The following RBFOX1 variants were observed in gnomAD, a reference collection of about 807,000 sequenced individuals.
RBFOX1 encodes the protein RNA binding protein fox-1 homolog 1.
RBFOX1 carries 8 observed loss-of-function variants against 57.7 expected under a neutral mutation model. The observed-to-expected ratio is 0.14, with a 90% CI of 0.08 to 0.25. The LOEUF is 0.25. Among genes scored for constraint, RBFOX1 ranks in the 10% least tolerant of loss-of-function variants. RBFOX1 has a pLI of 1.00. For synonymous variants in RBFOX1, 326 were observed against 222.4 expected (o/e 1.47, Z -4.15); for missense variants, 611 against 548.5 (o/e 1.11, Z -1.14).
intron 4 of RBFOX1, among the ~76,000 whole-genome samples, chr16:5,977,148 G>T (rs147810103): frequency 1.3e-5 from 2 of 152,086 alleles, no homozygotes; most frequent in Non-Finnish European, 2.9e-5. Flanking sequence ...CACTGGACTG[G>T]ACCACCCATC....
At chr16:6,794,532 A>G (rs2083578885) in intron 3 of RBFOX1, among the ~76,000 whole-genome samples, 1 of 152,038 alleles carries the variant, frequency 6.6e-6, no homozygotes, top group African/African-American at 2.4e-5. Context: ...TAAGTTCCTA[A>G]TTATTTTAAG....
intron 3 of RBFOX1, among the ~76,000 whole-genome samples, chr16:6,702,626 T>A (rs998657755): frequency 6.6e-6 from 1 of 152,172 alleles, no homozygotes; most frequent in Non-Finnish European, 1.5e-5. Flanking sequence ...GAAGACTAAA[T>A]GAGGTCATAC....
Position 6,253,699 on chromosome 16 carries a change from G to GTGTATATA in RBFOX1, c.-126-63295_-126-63294insGTATATAT, listed in dbSNP as rs71145205. ...CATGTGTGTGTGTGTGTGTGTGTGT[G>GTGTATATA]TATATATATATATATGTACCTATAC... On this transcript the variant is annotated intron_variant, in intron 1 of 15. Transcript: ENST00000550418. Among the ~76,000 whole-genome samples, 818 of 142,412 alleles carry GTGTATATA rather than the reference G, an allele frequency of 5.7e-3. 5 individuals are homozygous for GTGTATATA. The highest frequency in any genetic ancestry group is 0.014 in the Middle Eastern group (4 of 278). 93.4% of individuals were successfully genotyped at this position (142,412 alleles called of 152,430 possible).
At chr16:6,869,114 T>C (rs929880445) in intron 3 of RBFOX1, among the ~76,000 whole-genome samples, 1 of 152,220 alleles carries the variant, frequency 6.6e-6, no homozygotes. Flanking sequence ...ACAGCAGCAT[T>C]GTGTTGCCCA....
In RBFOX1 at chr16:7,145,583, C is replaced by T. The variant is rs568735473; in HGVS notation, c.27+93485C>T. On this transcript the variant is annotated intron_variant, in intron 4 of 15. Transcript: ENST00000550418. ...AGAACCTCATATGATGATCTATATG[C>T]ACTTACTGTGTTTTACCCCTCTCGG... 1.2e-4 allele frequency among the ~76,000 whole-genome samples: 18 copies of T among 152,184 alleles called. 1 individual carries two copies. The Middle Eastern group carries it at 0.01, about 86-fold the overall frequency.
chr16:5,497,219 A>G (rs2043028522), intron 2 of RBFOX1, among the ~76,000 whole-genome samples: 1 of 151,816 alleles, frequency 6.6e-6, no homozygotes, highest in African/African-American at 2.4e-5. Flanking sequence ...CTTGAAATTT[A>G]CTTTGCTATT....
At chr16:6,401,296 G>A (rs2093057834) in intron 2 of RBFOX1, among the ~76,000 whole-genome samples, 1 of 152,166 alleles carries the variant, frequency 6.6e-6, no homozygotes, top group African/African-American at 2.4e-5. Context: ...AGAGATTGGA[G>A]CTCACTGAAT....
At chr16:7,583,045 A>T (rs1413414937) in intron 6 of RBFOX1, among the ~76,000 whole-genome samples, 1 of 151,990 alleles carries the variant, frequency 6.6e-6, no homozygotes, top group Admixed American at 6.5e-5. Flanking sequence ...CATCATGAAG[A>T]TTGGAATCCT....
At chr16:6,748,669 C>G (rs867095000) in intron 3 of RBFOX1, among the ~76,000 whole-genome samples, 1 of 152,058 alleles carries the variant, frequency 6.6e-6, no homozygotes, top group African/African-American at 2.4e-5. Context: ...AAACAAAACA[C>G]CTAATTATTT....
intron 1 of RBFOX1, among the ~76,000 whole-genome samples, chr16:5,250,565 G>A (rs1236838834): frequency 5.3e-5 from 8 of 152,070 alleles, no homozygotes; most frequent in Non-Finnish European, 2.9e-5. Context: ...CTCTGTGCAC[G>A]CAAGCACATG....
intron 3 of RBFOX1, chr16:6,773,920 G>T: frequency 1.0e-6 from 1 of 984,262 alleles, no homozygotes; most frequent in Non-Finnish European, 1.2e-6. Context: ...TGCGTTGCGG[G>T]GGTGTGGAGT....
At chr16:7,567,085 A>G (rs56179545) in intron 5 of RBFOX1, among the ~76,000 whole-genome samples, 30,049 of 143,076 alleles carry the variant, frequency 0.21, 2,739 homozygotes, top group South Asian at 0.32. Context: ...AGCTGGATAT[A>G]TATATATCTC....
intron 3 of RBFOX1, among the ~76,000 whole-genome samples, chr16:6,800,003 C>A (rs919533081): frequency 1.3e-5 from 2 of 152,240 alleles, no homozygotes; most frequent in Admixed American, 1.3e-4. Context: ...ACACATATAT[C>A]CTATTAGTTC....
intron 3 of RBFOX1, among the ~76,000 whole-genome samples, chr16:6,697,361 A>T (rs1370088487): frequency 1.3e-5 from 2 of 152,182 alleles, no homozygotes; most frequent in Non-Finnish European, 2.9e-5. Context: ...CCAGCCAGGG[A>T]TCCTTTGGGT....
intron 3 of RBFOX1, among the ~76,000 whole-genome samples, chr16:7,031,877 C>T (rs560044912): frequency 5.9e-5 from 9 of 152,266 alleles, no homozygotes; most frequent in East Asian, 1.9e-4. Flanking sequence ...CACTACCTTG[C>T]CTTCTAACTG....
At chr16:5,412,011 T>C (rs1230387280) in intron 1 of RBFOX1, among the ~76,000 whole-genome samples, 1 of 152,188 alleles carries the variant, frequency 6.6e-6, no homozygotes, top group Admixed American at 6.5e-5. Flanking sequence ...ATCGGTTAGT[T>C]ATGAGAGTCA....
rs115156141 is a variant in RBFOX1, at chr16:7,016,365, G to A, written c.-15-35692G>A. Among the ~76,000 whole-genome samples the A allele has an allele frequency of 5.3e-3, 808 of 152,266 alleles. 6 individuals carry two copies. The highest frequency in any genetic ancestry group is 0.018 in the African/African-American group (750 of 41,550). On this transcript the variant is annotated intron_variant, in intron 3 of 15. Coordinates refer to ENST00000550418, the MANE Select transcript of RBFOX1 (RefSeq NM_018723.4). ...GGTATAAACTAGCCTATAGAGTTGAGTTTTAGAAGAAGCCTTTCGGATACT... is the reference window on the plus strand; with the variant it reads ...GGTATAAACTAGCCTATAGAGTTGAATTTTAGAAGAAGCCTTTCGGATACT...
At chr16:7,554,299 G>T (rs185814325) in intron 5 of RBFOX1, among the ~76,000 whole-genome samples, 18 of 152,290 alleles carry the variant, frequency 1.2e-4, no homozygotes, top group Admixed American at 9.8e-4. Context: ...ATCTTCCAAG[G>T]ACTGTGCTAA....
intron 4 of RBFOX1, among the ~76,000 whole-genome samples, chr16:7,226,110 A>G (rs1431843731): frequency 1.3e-5 from 2 of 152,070 alleles, no homozygotes; most frequent in Non-Finnish European, 2.9e-5. Context: ...CTGAGATCCT[A>G]TCACTTTGTC....
Sources: allele counts gnomAD v4.1 joint callset (sites outside exome capture counted in the v4.1 genomes callset), GRCh38; gene constraint gnomAD v4.1.1; transcripts MANE v1.5; gene names NCBI Gene and HGNC (gene_info 2026-07-23, HGNC 2026-07-21).